The following ATP2B2 variants were observed in gnomAD, a reference collection of about 807,000 sequenced individuals.
The protein encoded by ATP2B2 is ATPase plasma membrane Ca2+ transporting 2.
ATP2B2 carries 15 observed loss-of-function variants against 120.0 expected under a neutral mutation model. The ratio of observed to expected loss-of-function variants is 0.12; its 90% confidence interval spans 0.08 to 0.19. The LOEUF is 0.19. Among genes scored for constraint, ATP2B2 ranks in the 10% least tolerant of loss-of-function variants. ATP2B2 has a pLI of 1.00. For missense variants in ATP2B2, 1,045 were observed against 1,719.8 expected (o/e 0.61, Z 6.94); for synonymous variants, 694 against 700.3 (o/e 0.99, Z 0.14).
At chr3:10,352,618 C>T (rs191182884) in intron 14 of ATP2B2, among the ~76,000 whole-genome samples, 4 of 152,334 alleles carry the variant, frequency 2.6e-5, no homozygotes, top group East Asian at 3.9e-4. Flanking sequence ...AGTGCCCACT[C>T]GGGGTTTGGG....
In ATP2B2 at chr3:10,517,623, C is replaced by T. The variant is rs143898941; in HGVS notation, c.-320+16416G>A. ...GGAGTGTCCAGAACATACCAGGCAC[C>T]GGGCTAAGAAAGCCTTGAGGTGGAG... On this transcript the variant is annotated intron_variant, in intron 3 of 21. Coordinates refer to the ATP2B2 transcript ENST00000646379. Among the ~76,000 whole-genome samples, 35 of 152,294 alleles carry T rather than the reference C, an allele frequency of 2.3e-4. 1 individual carries two copies. The East Asian group carries it at 6.4e-3, about 28-fold the overall frequency.
chr3:10,389,094 G>T (rs1447979683), intron 5 of ATP2B2, among the ~76,000 whole-genome samples: 2 of 152,218 alleles, frequency 1.3e-5, no homozygotes, highest in Non-Finnish European at 2.9e-5. Flanking sequence ...TGCAAGAAAG[G>T]TTAAGAACCA....
At chr3:10,465,040 T>G (rs1016590993) in intron 1 of ATP2B2, among the ~76,000 whole-genome samples, 4 of 152,220 alleles carry the variant, frequency 2.6e-5, no homozygotes, top group African/African-American at 9.6e-5. Context: ...CCTTCTCCAA[T>G]CTTGGGCTGC....
intron 1 of ATP2B2, among the ~76,000 whole-genome samples, chr3:10,487,198 T>C (rs2065716414): frequency 6.6e-6 from 1 of 151,962 alleles, no homozygotes. Flanking sequence ...TTCCTTTCCT[T>C]TACACATTCC....
chr3:10,382,536 T>C (rs2061561360), intron 8 of ATP2B2, among the ~76,000 whole-genome samples: 1 of 151,018 alleles, frequency 6.6e-6, no homozygotes, highest in East Asian at 2.0e-4. Flanking sequence ...TTTGTATTTT[T>C]AGTAGAGACA....
Position 10,375,916 on chromosome 3 carries a change from C to A in ATP2B2, c.1202-272G>T, listed in dbSNP as rs979804218. On this transcript the variant is annotated intron_variant, in intron 10 of 22. Transcript: ENST00000360273. This position sits in a 1 kb window ranked among gnomAD's most constrained non-coding sequence, Gnocchi z 4.2. Reference sequence around the variant, plus strand: ...GTAATAACGCATGCAAAGTGCCCAGCATAGTGCTCGGCAATAGTATGTGCT... The same window carrying A: ...GTAATAACGCATGCAAAGTGCCCAGAATAGTGCTCGGCAATAGTATGTGCT... Among the ~76,000 whole-genome samples the A allele has an allele frequency of 6.6e-6, 1 of 152,172 alleles. No homozygotes were observed. Among genetic ancestry groups the A allele is most frequent in the Non-Finnish European group, 1.5e-5 (1 of 68,036 alleles).
At chr3:10,528,742 C>T (rs1259463130) in intron 3 of ATP2B2, among the ~76,000 whole-genome samples, 1 of 152,262 alleles carries the variant, frequency 6.6e-6, no homozygotes, top group East Asian at 1.9e-4. Context: ...ATCTATGCTG[C>T]AAACATATTA....
chr3:10,448,839 C>G (rs1267192859), intron 2 of ATP2B2, among the ~76,000 whole-genome samples: 1 of 152,226 alleles, frequency 6.6e-6, no homozygotes, highest in Non-Finnish European at 1.5e-5. Flanking sequence ...TGGTTCCACA[C>G]TCAAGCCCAC....
At chr3:10,588,672 C>A (rs1174862562) in intron 2 of ATP2B2, among the ~76,000 whole-genome samples, 2 of 152,204 alleles carry the variant, frequency 1.3e-5, no homozygotes, top group Admixed American at 6.5e-5. Context: ...TCACCCAGCA[C>A]CCACTCAGCA....
In ATP2B2 at chr3:10,402,135, G is replaced by A. The variant is rs2062243234; in HGVS notation, c.611C>T (p.Pro204Leu). ...GTCCCCAACCACGATCTCAGCCACA[G>A]GGATCTGGACCACCTGGCCAGCCCG... The part of the protein sequence containing the change: ...VVRAGQVVQI[P>L]VAEIVVGDIA... The change falls in exon 4 of 23, where the codon CCT becomes CTT. Residue 204 changes from proline to leucine, a missense_variant. By Grantham distance (98) the Pro-to-Leu change is moderately conservative (BLOSUM62 -3). This residue lies in a region of ATP2B2 where 35 missense variants were observed against 29.9 expected (regional missense o/e 1.17). Coordinates refer to ENST00000360273, the MANE Select transcript of ATP2B2 (RefSeq NM_001001331.4). The surrounding 1 kb of genome is among the most constrained non-coding windows in gnomAD (Gnocchi z 4.9). 6.2e-7 allele frequency: 1 copy of A among 1,614,202 alleles called. No homozygotes were observed. Among genetic ancestry groups the A allele is most frequent in the Non-Finnish European group, 8.5e-7 (1 of 1,180,042 alleles).
chr3:10,420,361 C>CTTT (rs57911821), intron 2 of ATP2B2, among the ~76,000 whole-genome samples: 2 of 139,946 alleles, frequency 1.4e-5, no homozygotes. Context: ...CTTGGTTTCA[C>CTTT]TTTTTTTTTT....
At chr3:10,508,445 C>T (rs1373183812), upstream of ATP2B2, among the ~76,000 whole-genome samples, 1 of 152,208 alleles carries the variant, frequency 6.6e-6, no homozygotes, top group Non-Finnish European at 1.5e-5. Context: ...GACATGTCTC[C>T]AGCATTCCAG....
chr3:10,436,189 T>C lies in ATP2B2; in HGVS notation c.199+13156A>G, dbSNP rs546001674. Among the ~76,000 whole-genome samples, 4 of 152,384 alleles carry C rather than the reference T, an allele frequency of 2.6e-5. No individual in the cohort carries two copies. In the East Asian group the frequency reaches 5.8e-4, roughly 22 times the overall value. The stretch of plus-strand genomic sequence containing the variant: ...TATTTTGTGAGCTGGTTGTTAATTA[T>C]AGCCATCATTAGAAATCAATTATAT... On this transcript the variant is annotated intron_variant, in intron 2 of 22. Coordinates refer to ENST00000360273, the MANE Select transcript of ATP2B2 (RefSeq NM_001001331.4).
chr3:10,670,150 G>A (rs190646930), intron 1 of ATP2B2, among the ~76,000 whole-genome samples: 35 of 152,318 alleles, frequency 2.3e-4, no homozygotes, highest in African/African-American at 8.2e-4. Context: ...ATTAGGTTGC[G>A]TTAAGAGAGG....
At chr3:10,597,753 A>C (rs528942882) in intron 2 of ATP2B2, among the ~76,000 whole-genome samples, 1 of 152,144 alleles carries the variant, frequency 6.6e-6, no homozygotes, top group African/African-American at 2.4e-5. Flanking sequence ...AGAAAACAAC[A>C]ATAATAGTAT....
chr3:10,568,745 C>A (rs1213723815), intron 2 of ATP2B2, among the ~76,000 whole-genome samples: 4 of 152,188 alleles, frequency 2.6e-5, no homozygotes, highest in Non-Finnish European at 5.9e-5. Flanking sequence ...TGTTCCCAGG[C>A]TCAGCCATTG....
intron 1 of ATP2B2, among the ~76,000 whole-genome samples, chr3:10,634,111 T>G (rs1434315396): frequency 6.6e-6 from 1 of 152,226 alleles, no homozygotes; most frequent in Admixed American, 6.5e-5. Context: ...GGCAGCCATT[T>G]TGCAACCATG....
intron 2 of ATP2B2, among the ~76,000 whole-genome samples, chr3:10,443,839 CTCACGG>C (rs1418334394): frequency 6.6e-6 from 1 of 152,208 alleles, no homozygotes; most frequent in African/African-American, 2.4e-5. Context: ...GCACTTTCAA[CTCACGG>C]TCTACAAAAG....
chr3:10,355,577 G>A (rs1482420486), intron 14 of ATP2B2, among the ~76,000 whole-genome samples: 3 of 152,206 alleles, frequency 2.0e-5, no homozygotes, highest in African/African-American at 7.2e-5. Flanking sequence ...GCTCAGAGAG[G>A]GAAGTGGCTC....
Sources: gnomAD v4.1 joint callset for allele counts (sites outside exome capture counted in the v4.1 genomes callset) on GRCh38, gnomAD v4.1.1 for gene constraint, gnomAD v4.1.1 regional missense constraint, Gnocchi (gnomAD v3.1) non-coding constraint, MANE v1.5 for transcripts, NCBI Gene and HGNC (gene_info 2026-07-23, HGNC 2026-07-21) for gene names.